NDRG3: variants seen among roughly 807,000 people sequenced by gnomAD.
NDRG3 encodes the protein protein NDRG3.
In NDRG3, 23 loss-of-function variants were observed where a neutral mutation model predicts 57.2. The observed-to-expected ratio is 0.40, with a 90% confidence interval of 0.29 to 0.57. The LOEUF (loss-of-function observed/expected upper bound fraction) is 0.57, where lower values mean the gene tolerates loss of function less well. Ranked by LOEUF, NDRG3 falls within the 20% of genes least tolerant of loss-of-function variation. NDRG3 has a pLI of 0.42. For missense variants in NDRG3, 384 were observed against 457.3 expected (o/e 0.84, Z 1.46); for synonymous variants, 132 against 162.6 (o/e 0.81, Z 1.43).
intron 5 of NDRG3, among the ~76,000 whole-genome samples, chr20:36,686,627 A>C (rs1434165660): frequency 6.6e-6 from 1 of 152,204 alleles, no homozygotes; most frequent in African/African-American, 2.4e-5. Flanking sequence ...ACAAACAGGT[A>C]GGGAGCCTAT....
At chr20:36,687,123 T>C (rs1386048667) in intron 5 of NDRG3, among the ~76,000 whole-genome samples, 2 of 152,070 alleles carry the variant, frequency 1.3e-5, no homozygotes, top group Non-Finnish European at 2.9e-5. Context: ...CCTCCCAAAG[T>C]GCTAGGATTA....
intron 3 of NDRG3, among the ~76,000 whole-genome samples, chr20:36,701,752 T>C (rs1251503104): frequency 6.6e-6 from 1 of 151,532 alleles, no homozygotes; most frequent in African/African-American, 2.4e-5. Context: ...TACTCCATGT[T>C]GGCCAGGCTG....
At chr20:36,703,913 A>T (rs546888950) in intron 3 of NDRG3, among the ~76,000 whole-genome samples, 1 of 152,334 alleles carries the variant, frequency 6.6e-6, no homozygotes, top group East Asian at 1.9e-4. Flanking sequence ...ACTCAATTTC[A>T]TATCTACAAT....
At chr20:36,697,708 CAAAA>C (rs909080495) in intron 3 of NDRG3, among the ~76,000 whole-genome samples, 2 of 85,128 alleles carry the variant, frequency 2.3e-5, no homozygotes, top group East Asian at 3.5e-4. Context: ...AACTCTGTCT[CAAAA>C]AAAAAAAAAA....
chr20:36,685,965 A>G (rs1981752761), intron 5 of NDRG3, among the ~76,000 whole-genome samples: 1 of 152,190 alleles, frequency 6.6e-6, no homozygotes, highest in Non-Finnish European at 1.5e-5. Context: ...AGCCATGATC[A>G]CGCCACTGTA....
intron 9 of NDRG3, among the ~76,000 whole-genome samples, chr20:36,667,877 G>A (rs1305085124): frequency 2.0e-5 from 3 of 152,140 alleles, no homozygotes; most frequent in Non-Finnish European, 4.4e-5. Flanking sequence ...AAGGGTACGC[G>A]AATCACTACT....
chr20:36,653,304 T>C lies in NDRG3; in HGVS notation c.*216A>G, dbSNP rs1037805139. The C allele has an allele frequency of 7.9e-6, 4 of 503,322 alleles. No homozygotes were observed. The highest frequency in any genetic ancestry group is 3.2e-5 in the South Asian group (1 of 31,646). 31.2% of individuals were successfully genotyped at this position (503,322 alleles called of 1,614,324 possible). A position where few individuals can be genotyped will look rare whatever the true frequency, so the allele number is the denominator to read the frequency against. On this transcript the variant is annotated 3_prime_UTR_variant, in exon 16 of 16. Coordinates refer to ENST00000349004, the MANE Select transcript of NDRG3 (RefSeq NM_032013.4). The surrounding 1 kb of genome is among the most constrained non-coding windows in gnomAD (Gnocchi z 4.2). The stretch of plus-strand genomic sequence containing the variant: ...GGAGAGATCTGATCAGCTAAAGATG[T>C]TGGAATGTTACAGTATGGCATGGAA...
At chr20:36,721,539 G>A in intron 2 of NDRG3, 140 bp downstream of exon 2, 2 of 565,456 alleles carry the variant, frequency 3.5e-6, no homozygotes, top group Non-Finnish European at 3.1e-6. Flanking sequence ...AAAAAAAAAA[G>A]AAATAGATTT....
rs532327742 is a variant in NDRG3, at chr20:36,741,292, C to T, written c.-49+4753G>A. Among the ~76,000 whole-genome samples the T allele has an allele frequency of 3.3e-5, 5 of 152,242 alleles. No individual in the cohort carries two copies. In the South Asian group the frequency reaches 1.0e-3, roughly 32 times the overall value. On this transcript the variant is annotated intron_variant, in intron 1 of 15. Coordinates refer to ENST00000349004, the MANE Select transcript of NDRG3 (RefSeq NM_032013.4). The stretch of plus-strand genomic sequence containing the variant: ...GAAGCTTACGTGATACCAAGTAAAG[C>T]TGCTATCTGCCCATCTCAATCACCA...
chr20:36,706,904 C>CTG, intron 3 of NDRG3, 68 bp downstream of exon 3: 2 of 1,367,490 alleles, frequency 1.5e-6, no homozygotes, highest in Non-Finnish European at 2.1e-6. Context: ...TACAAGACCA[C>CTG]CACCACAGGA....
chr20:36,668,761 T>C (rs904681200), intron 9 of NDRG3: 1 of 151,352 alleles, frequency 6.6e-6, no homozygotes, highest in African/African-American at 2.4e-5. Context: ...TTTTTATATA[T>C]ATGTACATAC....
intron 1 of NDRG3, among the ~76,000 whole-genome samples, chr20:36,743,839 A>C (rs962114984): frequency 6.6e-6 from 1 of 151,008 alleles, no homozygotes; most frequent in East Asian, 2.1e-4. Context: ...AAAAACAAAC[A>C]AAAAACAAAC....
At chr20:36,702,210 C>T (rs375194797) in intron 3 of NDRG3, among the ~76,000 whole-genome samples, 18 of 152,066 alleles carry the variant, frequency 1.2e-4, no homozygotes, top group African/African-American at 3.9e-4. Context: ...GATCTTGGTT[C>T]ACTGCAAGCT....
chr20:36,657,082 T>C (rs1978739953), intron 13 of NDRG3, among the ~76,000 whole-genome samples: 2 of 152,172 alleles, frequency 1.3e-5, no homozygotes, highest in Admixed American at 1.3e-4. Context: ...ATTTCTAGGG[T>C]ATGGCTTCAT....
intron 3 of NDRG3, among the ~76,000 whole-genome samples, chr20:36,689,752 G>A (rs1982105580): frequency 7.4e-6 from 1 of 134,806 alleles, no homozygotes. Flanking sequence ...ACAGAGTCTC[G>A]CTCCGTCACC....
At chr20:36,674,594 GC>G (rs1361499992) in intron 8 of NDRG3, among the ~76,000 whole-genome samples, 1 of 134,450 alleles carries the variant, frequency 7.4e-6, no homozygotes, top group Non-Finnish European at 1.5e-5. Context: ...TATCAATAAA[GC>G]TTTTTTTTTT....
chr20:36,680,029 G>A (rs1002072878), intron 8 of NDRG3, among the ~76,000 whole-genome samples: 1 of 150,616 alleles, frequency 6.6e-6, no homozygotes, highest in Non-Finnish European at 1.5e-5. Context: ...TCTCCATGTT[G>A]GTCAGGCTGG....
At chr20:36,681,189 G>A (rs1256074987) in intron 7 of NDRG3, among the ~76,000 whole-genome samples, 5 of 152,086 alleles carry the variant, frequency 3.3e-5, no homozygotes, top group Admixed American at 6.6e-5. Flanking sequence ...TTCCTCATTG[G>A]GAAAGTGCGC....
intron 1 of NDRG3, among the ~76,000 whole-genome samples, chr20:36,743,812 C>T (rs1008692272): frequency 3.3e-5 from 5 of 150,864 alleles, no homozygotes; most frequent in Admixed American, 6.6e-5. Flanking sequence ...AGCGAGACTC[C>T]GTCTCAAAAA....
Sources: allele counts gnomAD v4.1 joint callset (sites outside exome capture counted in the v4.1 genomes callset), GRCh38; gene constraint gnomAD v4.1.1; non-coding constraint Gnocchi (gnomAD v3.1); transcripts MANE v1.5; gene names NCBI Gene and HGNC (gene_info 2026-07-23, HGNC 2026-07-21).